Variants in HIVEP2 observed in about 807,000 individuals in gnomAD.
HIVEP2 encodes the protein transcription factor HIVEP2.
A neutral mutation model predicts 180.7 loss-of-function variants in HIVEP2; 14 were observed. That is an observed-to-expected ratio of 0.08 (90% CI 0.05 to 0.12). The LOEUF is 0.12. Ranked by LOEUF, HIVEP2 falls within the 10% of genes least tolerant of loss-of-function variation. The pLI is 1.00. For synonymous variants in HIVEP2, 1,184 were observed against 1,136.4 expected (o/e 1.04, Z -0.84); for missense variants, 2,579 against 3,008.5 (o/e 0.86, Z 3.34).
chr6:142,821,346 C>T (rs1454332439), intron 2 of HIVEP2, among the ~76,000 whole-genome samples: 2 of 151,736 alleles, frequency 1.3e-5, no homozygotes, highest in African/African-American at 4.8e-5. Context: ...CAAAGAAAGA[C>T]AGATTGGACA....
chr6:142,884,600 G>T (rs528539300), intron 1 of HIVEP2, among the ~76,000 whole-genome samples: 3 of 152,090 alleles, frequency 2.0e-5, no homozygotes, highest in Non-Finnish European at 4.4e-5. Context: ...CTCAGCAAAA[G>T]CTCAAGAATT....
chr6:142,783,759 T>G (rs1418315225), intron 2 of HIVEP2, 144 bp from the exon 3 acceptor site: 2 of 152,136 alleles, frequency 1.3e-5, no homozygotes, highest in Admixed American at 1.3e-4. Context: ...TTTTTTTTTT[T>G]GCCCCCAGGA....
intron 1 of HIVEP2, among the ~76,000 whole-genome samples, chr6:142,893,038 T>A (rs1490439892): frequency 1.3e-5 from 2 of 152,170 alleles, no homozygotes; most frequent in Non-Finnish European, 1.5e-5. Context: ...AAAGCAAATA[T>A]CCCACTCAAT....
chr6:142,893,042 A>C (rs910899225), intron 1 of HIVEP2, among the ~76,000 whole-genome samples: 1 of 152,172 alleles, frequency 6.6e-6, no homozygotes, highest in Non-Finnish European at 1.5e-5. Context: ...CAAATATCCC[A>C]CTCAATAAAT....
intron 1 of HIVEP2, among the ~76,000 whole-genome samples, chr6:142,877,207 A>G (rs1776464853): frequency 6.6e-6 from 1 of 152,184 alleles, no homozygotes; most frequent in African/African-American, 2.4e-5. Context: ...CTTATTGGCC[A>G]TCTTCACCAT....
chr6:142,762,452 GCACACACACACACACACACACACA>G (rs35168499), intron 7 of HIVEP2, among the ~76,000 whole-genome samples: 1 of 144,040 alleles, frequency 6.9e-6, no homozygotes, highest in African/African-American at 2.6e-5. Context: ...ACAGAAGAAT[GCACACACACACACACACACACACA>G]CACACACACA....
At chr6:142,937,980 A>T (rs546569870) in intron 1 of HIVEP2, among the ~76,000 whole-genome samples, 3 of 152,144 alleles carry the variant, frequency 2.0e-5, no homozygotes, top group African/African-American at 7.2e-5. Flanking sequence ...TGATTTTTTT[A>T]AGTGTTTAGT....
chr6:142,854,537 T>G (rs1775769576), intron 1 of HIVEP2, among the ~76,000 whole-genome samples: 1 of 152,166 alleles, frequency 6.6e-6, no homozygotes, highest in Non-Finnish European at 1.5e-5. Context: ...AAAAAACCCA[T>G]AGTATTCTTC....
Position 142,769,975 on chromosome 6 carries a change from T to G in HIVEP2, c.4764A>C (p.Pro1588=), listed in dbSNP as rs997774515. 3 of 1,614,096 alleles carry G rather than the reference T, an allele frequency of 1.9e-6. No individual in the cohort carries two copies. The highest frequency in any genetic ancestry group is 2.2e-5 in the East Asian group (1 of 44,882). ...MSMSPQSSSL[P]AGDGQLEEEG... ...CCTCTTCCAGCTGACCATCTCCTGC[T>G]GGTAATGAAGAACTCTGTGGGCTCA... Residue 1588 remains proline, a synonymous_variant, in exon 5 of 10, where the codon CCA becomes CCC. Coordinates refer to ENST00000367603, the MANE Select transcript of HIVEP2 (RefSeq NM_006734.4).
intron 2 of HIVEP2, chr6:142,788,097 C>T (rs1043641189): frequency 6.6e-6 from 1 of 151,922 alleles, no homozygotes; most frequent in African/African-American, 2.4e-5. Context: ...CTAGTGAAAA[C>T]AAACAAAAAA....
intron 1 of HIVEP2, among the ~76,000 whole-genome samples, chr6:142,880,966 G>C (rs1319285746): frequency 6.6e-6 from 1 of 152,148 alleles, no homozygotes; most frequent in African/African-American, 2.4e-5. Context: ...CTAGTACTCA[G>C]TTTGGATCAA....
At chr6:142,929,209 A>G (rs1421555150) in intron 1 of HIVEP2, among the ~76,000 whole-genome samples, 1 of 152,216 alleles carries the variant, frequency 6.6e-6, no homozygotes, top group African/African-American at 2.4e-5. Flanking sequence ...TGACTCCCCA[A>G]ATACTGCCTA....
At chr6:142,877,955 G>C (rs1447484944) in intron 1 of HIVEP2, among the ~76,000 whole-genome samples, 1 of 152,058 alleles carries the variant, frequency 6.6e-6, no homozygotes. Flanking sequence ...ACAAGTGCTG[G>C]GATTGTGTGT....
intron 2 of HIVEP2, among the ~76,000 whole-genome samples, chr6:142,821,180 A>G (rs1046425652): frequency 2.6e-5 from 4 of 152,106 alleles, no homozygotes; most frequent in African/African-American, 9.7e-5. Context: ...CAAGCAAGGG[A>G]TTAAAGCCGA....
At chr6:142,809,911 A>T (rs1198553342) in intron 2 of HIVEP2, among the ~76,000 whole-genome samples, 1 of 152,028 alleles carries the variant, frequency 6.6e-6, no homozygotes, top group Non-Finnish European at 1.5e-5. Context: ...CTAATTTTTA[A>T]ACATCTACCA....
chr6:142,922,950 A>G (rs539149072), intron 1 of HIVEP2, among the ~76,000 whole-genome samples: 1 of 152,374 alleles, frequency 6.6e-6, no homozygotes, highest in South Asian at 2.1e-4. Flanking sequence ...ATGTTTTAAT[A>G]TAAATCCTGC....
At chr6:142,904,708 T>C (rs9390032) in intron 1 of HIVEP2, among the ~76,000 whole-genome samples, 10,787 of 152,284 alleles carry the variant, frequency 0.071, 491 homozygotes, top group East Asian at 0.17. Flanking sequence ...CAAAGGAACA[T>C]AAGAATATTT....
chr6:142,753,963 C>T (rs775924811), intron 9 of HIVEP2, 32 bp from the exon 10 acceptor site: 1 of 1,184,546 alleles, frequency 8.4e-7, no homozygotes, highest in Non-Finnish European at 1.2e-6. Flanking sequence ...GCACAAAATT[C>T]AGAGCCTGCT....
intron 2 of HIVEP2, among the ~76,000 whole-genome samples, chr6:142,793,630 T>TTCCTTC (rs1407549255): frequency 3.3e-3 from 93 of 28,050 alleles, no homozygotes; most frequent in African/African-American, 0.011. Flanking sequence ...TTCTCTTTCT[T>TTCCTTC]TCTTTCTTTC....
Sources: gnomAD v4.1 joint callset for allele counts (sites outside exome capture counted in the v4.1 genomes callset) on GRCh38, gnomAD v4.1.1 for gene constraint, MANE v1.5 for transcripts, NCBI Gene and HGNC (gene_info 2026-07-23, HGNC 2026-07-21) for gene names.